NEK4: variants seen among roughly 807,000 people sequenced by gnomAD.
NEK4 encodes the protein serine/threonine-protein kinase Nek4.
In NEK4, 86 loss-of-function variants were observed where a neutral mutation model predicts 98.4. The observed-to-expected ratio is 0.87, with a 90% CI of 0.73 to 1.05. NEK4 has a LOEUF of 1.05. Ranked by LOEUF, NEK4 falls within the 50% of genes least tolerant of loss-of-function variation. NEK4 has a pLI of 0.00. For synonymous variants in NEK4, 328 were observed against 342.2 expected, an observed-to-expected ratio of 0.96 and a Z score of 0.46; for missense variants, 898 against 950.3, an observed-to-expected ratio of 0.94 and a Z score of 0.72.
At chr3:52,741,523 A>G in intron 12 of NEK4, 24 bp from the exon 13 acceptor site, 1 of 1,442,350 alleles carries the variant, frequency 6.9e-7, no homozygotes, top group Non-Finnish European at 9.8e-7. Flanking sequence ...GGAAGAATTA[A>G]AATTCTACAT....
In NEK4 at chr3:52,729,333, C is replaced by T. The variant is rs7643972; in HGVS notation, c.2433+8253G>A. On this transcript the variant is annotated intron_variant, in intron 15 of 15. Coordinates refer to ENST00000233027, the MANE Select transcript of NEK4 (RefSeq NM_003157.6). ...ATTTATGGAAAATAGAAAGAACCTA[C>T]GTTGAAATATTGGGGGTGGGTTCCC... 8.2e-3 allele frequency among the ~76,000 whole-genome samples: 1,240 copies of T among 152,072 alleles called. 24 individuals are homozygous for T. The highest frequency in any genetic ancestry group is 0.028 in the African/African-American group (1,180 of 41,454).
intron 15 of NEK4, among the ~76,000 whole-genome samples, chr3:52,714,946 A>C (rs1007506744): frequency 1.3e-5 from 2 of 152,158 alleles, no homozygotes; most frequent in African/African-American, 4.8e-5. Context: ...CAAGCGCAGG[A>C]TGGGGAAAGT....
chr3:52,762,429 G>A (rs1698391954), intron 5 of NEK4, among the ~76,000 whole-genome samples: 1 of 152,030 alleles, frequency 6.6e-6, no homozygotes, highest in South Asian at 2.1e-4. Flanking sequence ...TGAGCCCAGA[G>A]TAGTGCATAT....
chr3:52,754,562 A>G, intron 6 of NEK4: 1 of 1,348,820 alleles, frequency 7.4e-7, no homozygotes, highest in Non-Finnish European at 1.0e-6. Context: ...TACATGATGA[A>G]GCCAGAGAAA....
intron 6 of NEK4, chr3:52,753,614 T>G: frequency 1.7e-6 from 1 of 580,026 alleles, no homozygotes; most frequent in East Asian, 4.6e-5. Flanking sequence ...AACCAGTCTT[T>G]GATGAACTAT....
intron 6 of NEK4, among the ~76,000 whole-genome samples, chr3:52,758,906 A>C (rs1698235461): frequency 6.6e-6 from 1 of 152,042 alleles, no homozygotes; most frequent in Admixed American, 6.6e-5. Flanking sequence ...TGAGCAACAT[A>C]GTGAGACCCA....
intron 5 of NEK4, 70 bp downstream of exon 5, chr3:52,763,400 G>A: frequency 2.2e-6 from 3 of 1,390,036 alleles, no homozygotes; most frequent in Non-Finnish European, 3.0e-6. Flanking sequence ...TCTTGCATAT[G>A]AATATTACAG....
intron 15 of NEK4, among the ~76,000 whole-genome samples, chr3:52,722,777 C>T (rs2097361207): frequency 6.6e-6 from 1 of 152,076 alleles, no homozygotes; most frequent in African/African-American, 2.4e-5. Context: ...TGGTGGCATG[C>T]TCCTACAGTC....
chr3:52,731,231 TACA>T (rs774038108), intron 15 of NEK4, among the ~76,000 whole-genome samples: 3 of 152,196 alleles, frequency 2.0e-5, no homozygotes, highest in Non-Finnish European at 2.9e-5. Context: ...ATGATAGAGT[TACA>T]ACAACAAAAT....
intron 15 of NEK4, among the ~76,000 whole-genome samples, chr3:52,734,529 C>T (rs2097373233): frequency 1.3e-5 from 2 of 150,760 alleles, no homozygotes; most frequent in African/African-American, 4.9e-5. Flanking sequence ...AAAAATTAGC[C>T]ATGTGTGGTG....
rs554688795 is a variant in NEK4 at position 52,729,570 on chromosome 3, T to C, written c.2433+8016A>G. Among the ~76,000 whole-genome samples, 21 of 151,652 alleles carry C rather than the reference T, an allele frequency of 1.4e-4. 1 individual carries two copies. Among genetic ancestry groups the C allele is most frequent in the Admixed American group, 6.6e-5 (1 of 15,232 alleles). On this transcript the variant is annotated intron_variant, in intron 15 of 15. Transcript: ENST00000233027. ...CTAAAATACAAAAATTAGCCAGGCA[T>C]GATGGCAGTTGCCTGTAATCCCAGC...
chr3:52,723,714 A>G (rs919085545), intron 15 of NEK4, among the ~76,000 whole-genome samples: 8 of 152,228 alleles, frequency 5.3e-5, no homozygotes, highest in African/African-American at 1.9e-4. Context: ...AAGGACCTAT[A>G]GAACACCATC....
chr3:52,732,988 C>T (rs2097371378), intron 15 of NEK4: 1 of 217,696 alleles, frequency 4.6e-6, no homozygotes, highest in African/African-American at 2.3e-5. Context: ...GTTTACAAAC[C>T]ATAGTTCCTC....
chr3:52,766,025 G>T, intron 3 of NEK4, 31 bp from the exon 4 acceptor site: 2 of 1,495,136 alleles, frequency 1.3e-6, no homozygotes, highest in Non-Finnish European at 1.9e-6. Flanking sequence ...ACGGTTAAAT[G>T]TCAGAATAGC....
intron 15 of NEK4, among the ~76,000 whole-genome samples, chr3:52,715,419 C>A (rs1422824544): frequency 6.6e-6 from 1 of 152,178 alleles, no homozygotes; most frequent in Non-Finnish European, 1.5e-5. Flanking sequence ...CGGAGCCTTG[C>A]TCTGTCACCC....
intron 6 of NEK4, among the ~76,000 whole-genome samples, chr3:52,756,685 T>C (rs868374264): frequency 2.6e-5 from 4 of 152,150 alleles, no homozygotes; most frequent in Admixed American, 1.3e-4. Flanking sequence ...CTTCACAACA[T>C]TGGATTTGCC....
chr3:52,732,385 G>T (rs549621584), intron 15 of NEK4, among the ~76,000 whole-genome samples: 1 of 152,074 alleles, frequency 6.6e-6, no homozygotes, highest in Admixed American at 6.6e-5. Flanking sequence ...TAGTAGAGAC[G>T]GGGTTTCACC....
chr3:52,717,210 C>A (rs1353372331), intron 15 of NEK4, among the ~76,000 whole-genome samples: 2 of 151,786 alleles, frequency 1.3e-5, no homozygotes, highest in Non-Finnish European at 2.9e-5. Flanking sequence ...AGTTTGAGAC[C>A]CAGCCTGGCC....
At chr3:52,735,565 C>T (rs1023417505) in intron 15 of NEK4, among the ~76,000 whole-genome samples, 2 of 152,220 alleles carry the variant, frequency 1.3e-5, no homozygotes, top group African/African-American at 4.8e-5. Context: ...TTACGATCTA[C>T]TTACCAGTTT....
Sources: gnomAD v4.1 joint callset for allele counts (sites outside exome capture counted in the v4.1 genomes callset) on GRCh38, gnomAD v4.1.1 for gene constraint, MANE v1.5 for transcripts, NCBI Gene and HGNC (gene_info 2026-07-23, HGNC 2026-07-21) for gene names.